FDFT1: variants seen among roughly 807,000 people sequenced by gnomAD.
The protein encoded by FDFT1 is squalene synthase.
A neutral mutation model predicts 46.8 loss-of-function variants in FDFT1; 68 were observed. That is an observed-to-expected ratio of 1.45 (90% CI 1.19 to 1.78). FDFT1 has a LOEUF of 1.78. Ranked by LOEUF, FDFT1 falls within the 40% of genes most tolerant of loss-of-function variation. The probability of loss-of-function intolerance (pLI) is 0.00; values close to 1 mark genes in which losing one functional copy is unlikely to be tolerated. For missense variants in FDFT1, 928 were observed against 524.4 expected, an observed-to-expected ratio of 1.77 and a Z score of -7.52; for synonymous variants, 351 against 185.1, an observed-to-expected ratio of 1.90 and a Z score of -7.28.
At position 11,831,542 on chromosome 8, in the gene FDFT1, G is replaced by T. The variant is rs759059516; in HGVS notation, c.904G>T (p.Ala302Ser). 5 of 1,614,042 alleles carry T rather than the reference G, an allele frequency of 3.1e-6. No individual in the cohort carries two copies. The South Asian group carries it at 4.4e-5, about 14-fold the overall frequency. ...PQVMAIATLA[A>S]CYNNQQVFKG... ...GGTGATGGCCATTGCCACTTTGGCT[G>T]CCTGTTATAATAACCAGCAGGTGTT... The change falls in exon 7 of 8, where the codon GCC becomes TCC. Residue 302 changes from alanine (A) to serine (S), a missense_variant. Ala to Ser is a moderately conservative substitution (Grantham distance 99). Coordinates refer to ENST00000220584, the MANE Select transcript of FDFT1 (RefSeq NM_004462.5).
In FDFT1 at chr8:11,826,213, G is replaced by C; in HGVS notation, c.700G>C (p.Glu234Gln). The C allele has an allele frequency of 6.5e-7, 1 of 1,531,544 alleles. No individual in the cohort carries two copies. The highest frequency in any genetic ancestry group is 8.9e-7 in the Non-Finnish European group (1 of 1,125,168). 94.9% of individuals were successfully genotyped at this position (1,531,544 alleles called of 1,614,324 possible). A position where few individuals can be genotyped will look rare whatever the true frequency, so the allele number is the denominator to read the frequency against. Residue 234 changes from glutamate (E) to glutamine (Q), a missense_variant and splice_region_variant, in exon 5 of 8, where the codon GAG becomes CAG. Coordinates refer to ENST00000220584, the MANE Select transcript of FDFT1 (RefSeq NM_004462.5). The part of the protein sequence containing the change: ...QQGGREFWPQ[E>Q]VWSRYVKKLG... ...AGGAGGAAGAGAGTTCTGGCCTCAAGAGGTAACAGATTCAGGGTATTTTGG... is the reference window on the plus strand; with the variant it reads ...AGGAGGAAGAGAGTTCTGGCCTCAACAGGTAACAGATTCAGGGTATTTTGG...
Position 11,826,278 on chromosome 8 carries a change from C to T in FDFT1, c.702+63C>T. 3 of 1,312,726 alleles carry T rather than the reference C, an allele frequency of 2.3e-6. No individual in the cohort carries two copies. The Admixed American group carries it at 6.7e-5, about 29-fold the overall frequency. The allele number at this position is 1,312,726 out of a possible 1,614,324, so 81.3% of individuals were successfully genotyped here. A position where few individuals can be genotyped will look rare whatever the true frequency, so the allele number is the denominator to read the frequency against. ...AGACATTCTCTGAAAAATCCTTTAACTCTTGTGGTTGCGGGTGACAGAAAA... is the reference window on the plus strand; with the variant it reads ...AGACATTCTCTGAAAAATCCTTTAATTCTTGTGGTTGCGGGTGACAGAAAA... On this transcript the variant is annotated intron_variant, in intron 5 of 7. Transcript: ENST00000220584.
At chr8:11,799,918 C>CCTCA (rs1554512925), upstream of FDFT1, among the ~76,000 whole-genome samples, 5 of 147,394 alleles carry the variant, frequency 3.4e-5, no homozygotes, top group Non-Finnish European at 7.4e-5. Context: ...TGCACTCCAG[C>CCTCA]CTCACGACAG....
upstream of FDFT1, among the ~76,000 whole-genome samples, chr8:11,800,567 A>T (rs1806015533): frequency 6.6e-6 from 1 of 152,216 alleles, no homozygotes; most frequent in African/African-American, 2.4e-5. Context: ...TGGAATGGTG[A>T]CAAAGGTTGA....
chr8:11,833,341 C>T (rs1168745879), intron 7 of FDFT1, among the ~76,000 whole-genome samples: 2 of 152,198 alleles, frequency 1.3e-5, no homozygotes, highest in Non-Finnish European at 2.9e-5. Flanking sequence ...ACATCAGAAT[C>T]CATGATGTTA....
intron 7 of FDFT1, among the ~76,000 whole-genome samples, chr8:11,833,334 T>C (rs1811116680): frequency 2.0e-5 from 3 of 152,186 alleles, no homozygotes; most frequent in Admixed American, 1.3e-4. Flanking sequence ...CTGTCTGACA[T>C]CAGAATCCAT....
At chr8:11,831,077 G>A (rs1184170893) in intron 6 of FDFT1, among the ~76,000 whole-genome samples, 1 of 152,080 alleles carries the variant, frequency 6.6e-6, no homozygotes, top group Non-Finnish European at 1.5e-5. Flanking sequence ...ATCCCCTTCT[G>A]GTTGTTCTCC....
At chr8:11,811,770 T>G (rs1453823219) in intron 3 of FDFT1, among the ~76,000 whole-genome samples, 1 of 152,250 alleles carries the variant, frequency 6.6e-6, no homozygotes, top group African/African-American at 2.4e-5. Flanking sequence ...CTGTTTTCAC[T>G]GTTGTTCACC....
chr8:11,831,503 TC>T lies in FDFT1; in HGVS notation c.880-14del. 6.2e-7 allele frequency: 1 copy of T among 1,602,358 alleles called. No individual in the cohort carries two copies. Among genetic ancestry groups the T allele is most frequent in the East Asian group, 2.4e-5 (1 of 42,444 alleles). On this transcript the variant is annotated splice_polypyrimidine_tract_variant and intron_variant, in intron 6 of 7. Coordinates refer to ENST00000220584, the MANE Select transcript of FDFT1 (RefSeq NM_004462.5). Reference sequence around the variant, plus strand: ...ATCATTTCTTCTTTTTTCCCTCTCTTCTTGTTGTCTCTAGGTGATGGCCATT... The same window carrying T: ...ATCATTTCTTCTTTTTTCCCTCTCTTTTGTTGTCTCTAGGTGATGGCCATT...
intron 5 of FDFT1, among the ~76,000 whole-genome samples, 200 bp downstream of exon 5, chr8:11,826,415 G>A (rs988341813): frequency 6.6e-6 from 1 of 152,202 alleles, no homozygotes; most frequent in Non-Finnish European, 1.5e-5. Context: ...CACGTAATCA[G>A]TATATTCAAG....
chr8:11,826,240 G>A, intron 5 of FDFT1, 25 bp downstream of exon 5: 2 of 1,456,066 alleles, frequency 1.4e-6, no homozygotes. Flanking sequence ...GTATTTTGGG[G>A]GAAAATAACT....
chr8:11,797,347 C>G (rs753802147), upstream of FDFT1, among the ~76,000 whole-genome samples: 8 of 152,144 alleles, frequency 5.3e-5, no homozygotes, highest in African/African-American at 1.4e-4. Flanking sequence ...AAGTGGACAC[C>G]TAAGTCAGAC....
intron 3 of FDFT1, among the ~76,000 whole-genome samples, chr8:11,815,665 T>C (rs1375166963): frequency 6.6e-6 from 1 of 152,254 alleles, no homozygotes; most frequent in African/African-American, 2.4e-5. Flanking sequence ...TGCATAAATG[T>C]CTTCCTTTGA....
intron 3 of FDFT1, among the ~76,000 whole-genome samples, chr8:11,815,105 G>C (rs894155116): frequency 6.6e-6 from 1 of 152,138 alleles, no homozygotes; most frequent in African/African-American, 2.4e-5. Flanking sequence ...ACTTAGGAGT[G>C]AGAACATGTA....
chr8:11,829,592 G>T (rs1229029753), intron 5 of FDFT1, among the ~76,000 whole-genome samples: 4 of 152,114 alleles, frequency 2.6e-5, no homozygotes, highest in Non-Finnish European at 5.9e-5. Flanking sequence ...TGTATATTGG[G>T]TTATTTTTTT....
At chr8:11,810,738 T>A (rs1341693699) in intron 3 of FDFT1, among the ~76,000 whole-genome samples, 3 of 152,080 alleles carry the variant, frequency 2.0e-5, no homozygotes, top group African/African-American at 7.2e-5. Context: ...AAGGTTTGAT[T>A]TAGCAAAGTC....
intron 4 of FDFT1, among the ~76,000 whole-genome samples, chr8:11,825,694 AAAT>A (rs1249801314): frequency 6.6e-6 from 1 of 150,724 alleles, no homozygotes; most frequent in African/African-American, 2.4e-5. Context: ...CTCAAAAAAA[AAAT>A]AAAAAATAAA....
chr8:11,828,065 G>A (rs1810251539), intron 5 of FDFT1, among the ~76,000 whole-genome samples: 1 of 152,030 alleles, frequency 6.6e-6, no homozygotes, highest in Admixed American at 6.5e-5. Context: ...AGCCAAGTGT[G>A]GTGGCATACG....
intron 5 of FDFT1, among the ~76,000 whole-genome samples, chr8:11,829,689 C>T (rs1810502946): frequency 6.6e-6 from 1 of 152,172 alleles, no homozygotes; most frequent in Non-Finnish European, 1.5e-5. Flanking sequence ...TCCCTCGGGA[C>T]ATGCTCCCCA....
Sources: allele counts gnomAD v4.1 joint callset (sites outside exome capture counted in the v4.1 genomes callset), GRCh38; gene constraint gnomAD v4.1.1; transcripts MANE v1.5; gene names NCBI Gene and HGNC (gene_info 2026-07-23, HGNC 2026-07-21).